The following PDZRN4 variants were observed in gnomAD, a reference collection of about 807,000 sequenced individuals.
PDZRN4 encodes PDZ domain containing ring finger 4.
In PDZRN4, 70 loss-of-function variants were observed where a neutral mutation model predicts 99.0. The ratio of observed to expected loss-of-function variants is 0.71; its 90% CI spans 0.58 to 0.86. PDZRN4 has a LOEUF of 0.86. Among genes scored for constraint, PDZRN4 ranks in the 40% least tolerant of loss-of-function variants. The pLI, the probability that PDZRN4 is intolerant of heterozygous loss-of-function variation, is 0.00. For missense variants in PDZRN4, 1,474 were observed against 1,331.2 expected (o/e 1.11, Z -1.67); for synonymous variants, 551 against 501.6 (o/e 1.10, Z -1.32).
chr12:41,275,899 G>C (rs911951992), intron 3 of PDZRN4, among the ~76,000 whole-genome samples: 1 of 152,174 alleles, frequency 6.6e-6, no homozygotes, highest in Non-Finnish European at 1.5e-5. Flanking sequence ...TGTGAAAAAT[G>C]AAGGTGATTT....
intron 5 of PDZRN4, among the ~76,000 whole-genome samples, chr12:41,517,136 C>A (rs901821668): frequency 6.6e-6 from 1 of 152,032 alleles, no homozygotes; most frequent in Non-Finnish European, 1.5e-5. Context: ...GCAAATCTGT[C>A]TTTTGCCTCA....
At chr12:41,417,557 C>T (rs903183013) in intron 3 of PDZRN4, among the ~76,000 whole-genome samples, 2 of 152,184 alleles carry the variant, frequency 1.3e-5, no homozygotes, top group African/African-American at 4.8e-5. Context: ...AAAGATGATG[C>T]TTGTACTCCA....
chr12:41,377,847 A>G (rs1411480724), intron 3 of PDZRN4, among the ~76,000 whole-genome samples: 1 of 152,184 alleles, frequency 6.6e-6, no homozygotes, highest in East Asian at 1.9e-4. Context: ...TGCAACTTTA[A>G]TGAATTCATT....
chr12:41,188,387 CG>C lies in PDZRN4; in HGVS notation c.-65del. The C allele has an allele frequency of 3.6e-6, 5 of 1,401,726 alleles. No individual in the cohort carries two copies. The highest frequency in any genetic ancestry group is 4.7e-6 in the Non-Finnish European group (5 of 1,068,146). 86.8% of individuals were successfully genotyped at this position (1,401,726 alleles called of 1,614,324 possible). The stretch of plus-strand genomic sequence containing the variant: ...CGAGACGGCTGCCCCGGGGGTGGCC[CG>C]GGGAAGGCAGGGGGGCTCGGAGAAG... On this transcript the variant is annotated 5_prime_UTR_variant, in exon 1 of 10. Coordinates refer to ENST00000402685, the MANE Select transcript of PDZRN4 (RefSeq NM_001164595.2).
At chr12:41,417,359 G>A (rs141981225) in intron 3 of PDZRN4, among the ~76,000 whole-genome samples, 2 of 152,288 alleles carry the variant, frequency 1.3e-5, no homozygotes, top group African/African-American at 4.8e-5. Context: ...AAACTGAATA[G>A]CATTACCTAA....
chr12:41,498,147 CTCTT>C lies in PDZRN4; in HGVS notation c.844-8308_844-8305del, dbSNP rs764889609. 1.4e-3 allele frequency among the ~76,000 whole-genome samples: 218 copies of C among 152,152 alleles called. 1 individual carries two copies. The highest frequency in any genetic ancestry group is 2.4e-3 in the Non-Finnish European group (160 of 67,974). ...AGGTTCTCAATCTCTCTCTCTCTCT[CTCTT>C]ATCAAGTCATAAATGTTAACATCAC... On this transcript the variant is annotated intron_variant, in intron 3 of 9. Coordinates refer to ENST00000402685, the MANE Select transcript of PDZRN4 (RefSeq NM_001164595.2).
At chr12:41,274,352 T>A (rs967943867) in intron 3 of PDZRN4, among the ~76,000 whole-genome samples, 1 of 152,164 alleles carries the variant, frequency 6.6e-6, no homozygotes, top group East Asian at 1.9e-4. Context: ...TTTAAATAGA[T>A]ATGGCACAAA....
At chr12:41,365,816 TTCAC>T in intron 3 of PDZRN4, among the ~76,000 whole-genome samples, 1 of 152,186 alleles carries the variant, frequency 6.6e-6, no homozygotes, top group Non-Finnish European at 1.5e-5. Flanking sequence ...TTTCAGAGGA[TTCAC>T]TCACTCTTGT....
intron 3 of PDZRN4, among the ~76,000 whole-genome samples, chr12:41,442,867 G>C (rs1244495630): frequency 6.6e-6 from 1 of 152,062 alleles, no homozygotes; most frequent in African/African-American, 2.4e-5. Context: ...AATGAGAAAG[G>C]CTAAGAAATA....
chr12:41,196,568 G>A (rs1306286760), intron 3 of PDZRN4, among the ~76,000 whole-genome samples: 1 of 152,070 alleles, frequency 6.6e-6, no homozygotes, highest in Admixed American at 6.6e-5. Context: ...GGCTTTTTGA[G>A]TGAATAGATA....
At chr12:41,424,869 A>G (rs952524108) in intron 3 of PDZRN4, among the ~76,000 whole-genome samples, 3 of 152,250 alleles carry the variant, frequency 2.0e-5, no homozygotes, top group African/African-American at 7.2e-5. Flanking sequence ...GTAAGAGGCC[A>G]GGCCTGACAA....
intron 3 of PDZRN4, among the ~76,000 whole-genome samples, chr12:41,379,244 AT>A (rs1198534864): frequency 2.0e-5 from 2 of 98,920 alleles, no homozygotes; most frequent in African/African-American, 4.0e-5. Flanking sequence ...TTCTGTCTCT[AT>A]TTTCTGTTTT....
At chr12:41,420,906 T>C (rs977778284) in intron 3 of PDZRN4, among the ~76,000 whole-genome samples, 1 of 152,164 alleles carries the variant, frequency 6.6e-6, no homozygotes, top group Admixed American at 6.5e-5. Context: ...CTCAATCTCA[T>C]CATACTCAAC....
intron 3 of PDZRN4, among the ~76,000 whole-genome samples, chr12:41,304,322 A>G (rs1478703074): frequency 1.3e-5 from 2 of 152,160 alleles, no homozygotes; most frequent in Admixed American, 1.3e-4. Context: ...GAATTAATCC[A>G]TTTCTTCCTT....
At chr12:41,300,202 C>T (rs930555502) in intron 3 of PDZRN4, among the ~76,000 whole-genome samples, 2 of 151,854 alleles carry the variant, frequency 1.3e-5, no homozygotes, top group Admixed American at 6.6e-5. Context: ...CTTTTAGCTA[C>T]TCTTTTAATA....
intron 3 of PDZRN4, among the ~76,000 whole-genome samples, chr12:41,430,920 G>A (rs905899494): frequency 1.3e-5 from 2 of 152,126 alleles, no homozygotes; most frequent in Admixed American, 6.5e-5. Flanking sequence ...AAGCAAAGGG[G>A]GAAAGAGGCA....
At position 41,573,910 on chromosome 12, in the gene PDZRN4, G is replaced by T. The variant is rs1324346592; in HGVS notation, c.*20G>T. 4 of 1,493,244 alleles carry T rather than the reference G, an allele frequency of 2.7e-6. No homozygotes were observed. The highest frequency in any genetic ancestry group is 2.8e-5 in the South Asian group (2 of 71,814). 92.5% of individuals were successfully genotyped at this position (1,493,244 alleles called of 1,614,324 possible). A position where few individuals can be genotyped will look rare whatever the true frequency, so the allele number is the denominator to read the frequency against. ...GTATGACCGAATGAATGGAATGCATGCGACTGATTTTAGGAGGATGCTACC... is the reference window on the plus strand; with the variant it reads ...GTATGACCGAATGAATGGAATGCATTCGACTGATTTTAGGAGGATGCTACC... On this transcript the variant is annotated 3_prime_UTR_variant, in exon 10 of 10. Transcript: ENST00000402685.
chr12:41,386,990 A>C (rs558872825), intron 3 of PDZRN4, among the ~76,000 whole-genome samples: 1 of 152,150 alleles, frequency 6.6e-6, no homozygotes, highest in Non-Finnish European at 1.5e-5. Context: ...CAGATTAAAC[A>C]CTTAAATTTA....
chr12:41,566,991 T>G (rs1415777868), intron 8 of PDZRN4, among the ~76,000 whole-genome samples: 1 of 152,194 alleles, frequency 6.6e-6, no homozygotes, highest in East Asian at 1.9e-4. Context: ...TCCACTTCAC[T>G]TTGTATTGAA....
Sources: allele counts gnomAD v4.1 joint callset (sites outside exome capture counted in the v4.1 genomes callset), GRCh38; gene constraint gnomAD v4.1.1; transcripts MANE v1.5; gene names NCBI Gene and HGNC (gene_info 2026-07-23, HGNC 2026-07-21).